The following SPATA1 variants were observed in gnomAD, a reference collection of about 807,000 sequenced individuals.
SPATA1 encodes spermatogenesis-associated protein 1.
A neutral mutation model predicts 59.6 loss-of-function variants in SPATA1; 57 were observed. The ratio of observed to expected loss-of-function variants is 0.96; its 90% confidence interval spans 0.77 to 1.19. SPATA1 has a LOEUF of 1.19. SPATA1 is among the 50% of genes most tolerant of loss of function. SPATA1 has a pLI of 0.00. For synonymous variants in SPATA1, 147 were observed against 163.9 expected, an observed-to-expected ratio of 0.90 and a Z score of 0.79; for missense variants, 448 against 480.7, an observed-to-expected ratio of 0.93 and a Z score of 0.64.
intron 1 of SPATA1, among the ~76,000 whole-genome samples, chr1:84,507,506 C>G (rs1436508964): frequency 6.6e-6 from 1 of 152,080 alleles, no homozygotes; most frequent in East Asian, 1.9e-4. Context: ...TATACAGCTT[C>G]GTAGAGTTGT....
intron 8 of SPATA1, among the ~76,000 whole-genome samples, chr1:84,540,921 C>T (rs1683878115): frequency 6.6e-6 from 1 of 152,142 alleles, no homozygotes; most frequent in African/African-American, 2.4e-5. Context: ...ACTCTCTGGC[C>T]CTTTACAGAA....
At chr1:84,526,120 A>C in intron 6 of SPATA1, 47 bp downstream of exon 6, 1 of 1,496,514 alleles carries the variant, frequency 6.7e-7, no homozygotes, top group Non-Finnish European at 9.1e-7. Flanking sequence ...ATTATAGTAC[A>C]TTTTAGCAGT....
chr1:84,544,412 A>G, intron 9 of SPATA1, 108 bp downstream of exon 9: 1 of 848,566 alleles, frequency 1.2e-6, no homozygotes, highest in Non-Finnish European at 1.8e-6. Context: ...GAGAAGATAA[A>G]TAAGTTCTGG....
chr1:84,551,374 TAAATA>T, intron 12 of SPATA1: 1 of 753,374 alleles, frequency 1.3e-6, no homozygotes, highest in Non-Finnish European at 1.6e-6. Flanking sequence ...AAAATAAAAA[TAAATA>T]AAATTTAAAA....
At chr1:84,519,655 TAC>T (rs1292158340) in intron 2 of SPATA1, among the ~76,000 whole-genome samples, 1 of 152,130 alleles carries the variant, frequency 6.6e-6, no homozygotes, top group East Asian at 1.9e-4. Context: ...GTCAGATCTA[TAC>T]AGACATTTTA....
At chr1:84,511,683 T>C (rs1457675200) in intron 1 of SPATA1, among the ~76,000 whole-genome samples, 40 of 144,326 alleles carry the variant, frequency 2.8e-4, no homozygotes, top group East Asian at 5.9e-4. Context: ...TTCTTTCTTT[T>C]TTTTTTTTTT....
chr1:84,548,821 A>G, exon 11 of SPATA1: 1 of 1,555,534 alleles, frequency 6.4e-7, no homozygotes. Flanking sequence ...CTTGGAAACA[A>G]AGAAAGTCAC....
chr1:84,557,964 A>G (rs564084293), downstream of SPATA1, among the ~76,000 whole-genome samples: 319 of 152,224 alleles, frequency 2.1e-3, no homozygotes, highest in Non-Finnish European at 3.6e-3. Context: ...TCTGAGACCT[A>G]AAGAATGTGT....
intron 9 of SPATA1, 123 bp from the exon 10 acceptor site, chr1:84,545,511 C>A: frequency 8.9e-7 from 1 of 1,118,674 alleles, no homozygotes; most frequent in Non-Finnish European, 1.2e-6. Flanking sequence ...GCAAGAAAAA[C>A]AGTTTGGGAT....
intron 4 of SPATA1, 149 bp from the exon 5 acceptor site, chr1:84,525,547 A>C (rs898060009): frequency 1.6e-6 from 1 of 625,440 alleles, no homozygotes; most frequent in Non-Finnish European, 2.8e-6. Flanking sequence ...GTAACATTAT[A>C]TTCTACATTT....
At chr1:84,543,204 GA>G (rs1482791701) in intron 8 of SPATA1, among the ~76,000 whole-genome samples, 1 of 152,142 alleles carries the variant, frequency 6.6e-6, no homozygotes, top group Non-Finnish European at 1.5e-5. Context: ...AGAGCTTGAT[GA>G]AGATAAAAGT....
intron 8 of SPATA1, among the ~76,000 whole-genome samples, chr1:84,542,892 C>G (rs1384831582): frequency 2.6e-5 from 4 of 151,976 alleles, no homozygotes; most frequent in Non-Finnish European, 5.9e-5. Context: ...TCCAAGACCC[C>G]CTGTGGATGC....
At chr1:84,521,627 C>T (rs1337772796) in intron 3 of SPATA1, among the ~76,000 whole-genome samples, 3 of 152,032 alleles carry the variant, frequency 2.0e-5, no homozygotes, top group Non-Finnish European at 4.4e-5. Flanking sequence ...CCCTTTCTCC[C>T]TTCCCTGCCT....
At chr1:84,511,174 CAAT>C (rs1682526090) in intron 1 of SPATA1, among the ~76,000 whole-genome samples, 1 of 152,082 alleles carries the variant, frequency 6.6e-6, no homozygotes, top group Non-Finnish European at 1.5e-5. Context: ...GTAAAACAAA[CAAT>C]AAATGCTTGA....
At chr1:84,554,799 ACTTG>A, downstream of SPATA1, 1 of 498,184 alleles carries the variant, frequency 2.0e-6, no homozygotes, top group Non-Finnish European at 3.5e-6. Flanking sequence ...AGGTAAGTTG[ACTTG>A]CTTCTTGCCT....
downstream of SPATA1, among the ~76,000 whole-genome samples, chr1:84,558,351 G>A (rs568274991): frequency 4.6e-5 from 7 of 150,722 alleles, no homozygotes; most frequent in African/African-American, 1.5e-4. Flanking sequence ...GTGCAGTGGC[G>A]GGATCTCGGC....
downstream of SPATA1, among the ~76,000 whole-genome samples, chr1:84,557,672 A>G (rs1268012576): frequency 1.3e-5 from 2 of 151,678 alleles, no homozygotes; most frequent in Non-Finnish European, 2.9e-5. Flanking sequence ...TGGCTAACAC[A>G]GTGAAACCCC....
intron 6 of SPATA1, among the ~76,000 whole-genome samples, chr1:84,531,391 G>A (rs1349599947): frequency 6.6e-6 from 1 of 151,764 alleles, no homozygotes; most frequent in Non-Finnish European, 1.5e-5. Context: ...TTGAACTTCT[G>A]ACCTCAAGTG....
At chr1:84,512,013 G>A (rs1438050739) in intron 1 of SPATA1, among the ~76,000 whole-genome samples, 3 of 152,072 alleles carry the variant, frequency 2.0e-5, no homozygotes, top group African/African-American at 7.2e-5. Flanking sequence ...GTTTACCTAA[G>A]ACAGGTTAAC....
Sources: allele counts gnomAD v4.1 joint callset (sites outside exome capture counted in the v4.1 genomes callset), GRCh38; gene constraint gnomAD v4.1.1; transcripts MANE v1.5; gene names NCBI Gene and HGNC (gene_info 2026-07-23, HGNC 2026-07-21).